Variants in PRORP observed in about 807,000 individuals in gnomAD.
PRORP encodes the protein protein only RNase P catalytic subunit, also known as mitochondrial ribonuclease P catalytic subunit.
In PRORP, 51 loss-of-function variants were observed where a neutral mutation model predicts 59.4. That is an observed-to-expected ratio of 0.86 (90% CI 0.69 to 1.08). The LOEUF is 1.08. PRORP is among the 50% of genes least tolerant of loss of function. The probability of loss-of-function intolerance (pLI) is 0.00; values close to 1 mark genes in which losing one functional copy is unlikely to be tolerated. For synonymous variants in PRORP, 231 were observed against 245.6 expected, an observed-to-expected ratio of 0.94 and a Z score of 0.55; for missense variants, 646 against 690.3, an observed-to-expected ratio of 0.94 and a Z score of 0.72.
chr14:35,239,257 C>T (rs571940150), intron 5 of PRORP, among the ~76,000 whole-genome samples: 1 of 151,364 alleles, frequency 6.6e-6, no homozygotes, highest in East Asian at 1.9e-4. Context: ...ACTTGGGAGG[C>T]TGAGGCAGGA....
At chr14:35,230,050 C>CTTTTTT (rs35309046) in intron 5 of PRORP, among the ~76,000 whole-genome samples, 1 of 109,138 alleles carries the variant, frequency 9.2e-6, no homozygotes, top group Non-Finnish European at 1.9e-5. Flanking sequence ...ACTGTAAATT[C>CTTTTTT]TTTTTTTTTT....
At chr14:35,236,897 TTCTC>T (rs776759977) in intron 5 of PRORP, among the ~76,000 whole-genome samples, 9 of 151,516 alleles carry the variant, frequency 5.9e-5, no homozygotes, top group South Asian at 4.2e-4. Context: ...TCCTAATTAT[TTCTC>T]TCTCTCTCTC....
At chr14:35,264,954 C>T (rs2051004383) in intron 5 of PRORP, among the ~76,000 whole-genome samples, 1 of 151,930 alleles carries the variant, frequency 6.6e-6, no homozygotes, top group Non-Finnish European at 1.5e-5. Flanking sequence ...GCGCCACTGC[C>T]CTCCAGCCTG....
rs550017419 is a variant in PRORP, at chr14:35,175,303, C to T, written c.1168-5367C>T. Among the ~76,000 whole-genome samples, 585 of 152,142 alleles carry T rather than the reference C, an allele frequency of 3.8e-3. 5 individuals are homozygous for T. Among genetic ancestry groups the T allele is most frequent in the East Asian group, 0.021 (111 of 5,170 alleles). The stretch of plus-strand genomic sequence containing the variant: ...AAATGGTATTTCTAGTTCTAGATCC[C>T]TGAGGAATCGCCACACTGTCTTCCA... On this transcript the variant is annotated intron_variant, in intron 4 of 7. Coordinates refer to ENST00000534898, the MANE Select transcript of PRORP (RefSeq NM_014672.4).
intron 5 of PRORP, among the ~76,000 whole-genome samples, chr14:35,210,750 C>CTTTTTTTTTTTTTTTT (rs71435870): frequency 2.9e-5 from 1 of 34,070 alleles, no homozygotes; most frequent in Non-Finnish European, 5.0e-5. Flanking sequence ...TTTCTTTTGC[C>CTTTTTTTTTTTTTTTT]TTTTTTTTTT....
chr14:35,218,186 A>G (rs2049655174), intron 5 of PRORP, among the ~76,000 whole-genome samples: 1 of 152,260 alleles, frequency 6.6e-6, no homozygotes, highest in Non-Finnish European at 1.5e-5. Flanking sequence ...AGAGCTGGGC[A>G]TGGTGGCTCA....
intron 5 of PRORP, chr14:35,262,345 A>T (rs1316693199): frequency 3.3e-6 from 1 of 303,950 alleles, no homozygotes; most frequent in East Asian, 8.8e-5. Context: ...CCATGAATCA[A>T]AGTTTACTAG....
chr14:35,124,937 G>A (rs749026605), intron 2 of PRORP, among the ~76,000 whole-genome samples: 1 of 148,252 alleles, frequency 6.7e-6, no homozygotes, highest in East Asian at 2.0e-4. Flanking sequence ...GCATGATCTC[G>A]GCTCATTGTA....
intron 5 of PRORP, among the ~76,000 whole-genome samples, chr14:35,246,096 T>A (rs1445595100): frequency 6.6e-6 from 1 of 152,224 alleles, no homozygotes. Flanking sequence ...CTTTTGTATA[T>A]GATCTGCTTT....
chr14:35,189,292 C>T (rs1346573529), intron 5 of PRORP, among the ~76,000 whole-genome samples: 1 of 152,112 alleles, frequency 6.6e-6, no homozygotes, highest in Non-Finnish European at 1.5e-5. Flanking sequence ...AGGCTAGTCT[C>T]AAACCCCTGG....
intron 4 of PRORP, among the ~76,000 whole-genome samples, chr14:35,135,030 A>C (rs969813808): frequency 6.6e-6 from 1 of 151,980 alleles, no homozygotes; most frequent in Non-Finnish European, 1.5e-5. Flanking sequence ...GTATCAGCTG[A>C]GTTTGTTCTA....
chr14:35,177,206 T>G (rs1359888597), intron 4 of PRORP, among the ~76,000 whole-genome samples: 3 of 152,180 alleles, frequency 2.0e-5, no homozygotes, highest in Admixed American at 6.6e-5. Context: ...AAATTTCTCT[T>G]TTTTTGTTGT....
intron 2 of PRORP, among the ~76,000 whole-genome samples, chr14:35,125,549 A>C (rs569204235): frequency 6.6e-6 from 1 of 152,070 alleles, no homozygotes; most frequent in Non-Finnish European, 1.5e-5. Flanking sequence ...TTGCTTCCTA[A>C]AAATTTGTTC....
chr14:35,123,691 C>G lies in PRORP; in HGVS notation c.446C>G (p.Ala149Gly). The G allele has an allele frequency of 1.9e-6, 3 of 1,614,190 alleles. No individual in the cohort carries two copies. Among genetic ancestry groups the G allele is most frequent in the South Asian group, 1.1e-5 (1 of 91,088 alleles). The change falls in exon 2 of 8, where the codon GCT becomes GGT. Residue 149 changes from alanine to glycine, a missense_variant. Physicochemically the swap from Ala to Gly is moderately conservative, Grantham distance 60 (BLOSUM62 0). Transcript: ENST00000534898. ...GAAAGTTGGATCATTTCACAGATGGCTGGCTGTCATAGCTCTATAGATGTG... is the reference window on the plus strand; with the variant it reads ...GAAAGTTGGATCATTTCACAGATGGGTGGCTGTCATAGCTCTATAGATGTG... ...SFESWIISQMAGCHSSIDVAK... is the reference protein window; with the variant it reads ...SFESWIISQMGGCHSSIDVAK...
chr14:35,191,155 G>C (rs1199483805), intron 5 of PRORP, among the ~76,000 whole-genome samples: 1 of 152,148 alleles, frequency 6.6e-6, no homozygotes, highest in East Asian at 1.9e-4. Context: ...TGTTGTAGGA[G>C]GAACTTGGTG....
chr14:35,132,697 G>T (rs1026720474), intron 4 of PRORP, among the ~76,000 whole-genome samples: 3 of 150,828 alleles, frequency 2.0e-5, no homozygotes, highest in Admixed American at 6.6e-5. Flanking sequence ...TGAAGCAGGG[G>T]AATCATTTGA....
chr14:35,132,098 G>A (rs954709478), intron 4 of PRORP, among the ~76,000 whole-genome samples: 11 of 150,596 alleles, frequency 7.3e-5, no homozygotes, highest in African/African-American at 2.4e-4. Context: ...CTCGGCCTCC[G>A]AAAGTGCTGG....
At chr14:35,184,224 C>T (rs974276919) in intron 5 of PRORP, among the ~76,000 whole-genome samples, 15 of 152,030 alleles carry the variant, frequency 9.9e-5, no homozygotes, top group Non-Finnish European at 1.6e-4. Flanking sequence ...ATCTTGATCT[C>T]AGAGCCTATA....
intron 4 of PRORP, among the ~76,000 whole-genome samples, chr14:35,172,436 C>CTTT (rs2048335457): frequency 1.6e-5 from 1 of 63,838 alleles, no homozygotes; most frequent in Non-Finnish European, 4.0e-5. Context: ...TTCCTTCCTT[C>CTTT]CTTCCTTCCT....
Sources: gnomAD v4.1 joint callset for allele counts (sites outside exome capture counted in the v4.1 genomes callset) on GRCh38, gnomAD v4.1.1 for gene constraint, MANE v1.5 for transcripts, NCBI Gene and HGNC (gene_info 2026-07-23, HGNC 2026-07-21) for gene names.